COPA: variants seen among roughly 807,000 people sequenced by gnomAD.
COPA encodes the protein coatomer subunit alpha.
Under a neutral mutation model 158.7 loss-of-function variants are expected in COPA, and 10 were observed. That is an observed-to-expected ratio of 0.06 (90% CI 0.04 to 0.11). The LOEUF is 0.11. Ranked by LOEUF, COPA falls within the 10% of genes least tolerant of loss-of-function variation. The pLI is 1.00. For missense variants in COPA, 1,065 were observed against 1,536.7 expected, an observed-to-expected ratio of 0.69 and a Z score of 5.13; for synonymous variants, 462 against 542.8, an observed-to-expected ratio of 0.85 and a Z score of 2.07.
Position 160,295,727 on chromosome 1 carries a change from G to C in COPA, c.2476+9C>G. 6.3e-7 allele frequency: 1 copy of C among 1,595,774 alleles called. No individual in the cohort carries two copies. The highest frequency in any genetic ancestry group is 8.5e-7 in the Non-Finnish European group (1 of 1,173,976). ...CAACAAAAGTGCTATGGGAGAAATA[G>C]GTACTTACCTTTGCTGGCAATGGTG... On this transcript the variant is annotated intron_variant, in intron 23 of 32. Transcript: ENST00000241704.
At chr1:160,292,284 T>C (rs1658266084) in intron 28 of COPA, 86 bp from the exon 29 acceptor site, 2 of 1,559,060 alleles carry the variant, frequency 1.3e-6, no homozygotes, top group African/African-American at 1.4e-5. Flanking sequence ...TCCTCATAGC[T>C]ACCCTCCTGT....
At chr1:160,302,159 A>T (rs967250467) in intron 17 of COPA, among the ~76,000 whole-genome samples, 1 of 152,074 alleles carries the variant, frequency 6.6e-6, no homozygotes, top group Non-Finnish European at 1.5e-5. Context: ...CCTGGAATTG[A>T]TAAGAGTCTA....
intron 9 of COPA, 47 bp downstream of exon 9, chr1:160,313,943 A>G: frequency 6.6e-7 from 1 of 1,513,502 alleles, no homozygotes; most frequent in Non-Finnish European, 8.9e-7. Context: ...TCTAATTTTA[A>G]AAGAGAGAGT....
chr1:160,300,155 C>T (rs1658549374), intron 17 of COPA, among the ~76,000 whole-genome samples: 2 of 151,872 alleles, frequency 1.3e-5, no homozygotes, highest in Admixed American at 6.6e-5. Flanking sequence ...GCCTGGCCAA[C>T]ATGGTGAAAC....
At chr1:160,307,063 C>G in intron 14 of COPA, 100 bp downstream of exon 14, 5 of 1,174,004 alleles carry the variant, frequency 4.3e-6, no homozygotes, top group Non-Finnish European at 1.3e-6. Flanking sequence ...ATCACGGCTG[C>G]CCGGGGGAGA....
chr1:160,299,310 A>G (rs1658519552), intron 17 of COPA, 46 bp from the exon 18 acceptor site: 1 of 1,559,966 alleles, frequency 6.4e-7, no homozygotes, highest in Non-Finnish European at 8.8e-7. Flanking sequence ...GGGAAAATCC[A>G]TCCTGTGAAG....
chr1:160,304,306 G>A (rs931981911), intron 17 of COPA, among the ~76,000 whole-genome samples: 5 of 149,056 alleles, frequency 3.4e-5, no homozygotes, highest in East Asian at 4.2e-4. Context: ...GAGCCACCAC[G>A]CCCAACCCAA....
chr1:160,337,144 T>C (rs1647808543), intron 3 of COPA, among the ~76,000 whole-genome samples: 3 of 152,242 alleles, frequency 2.0e-5, no homozygotes. Context: ...TTCAGTGTTT[T>C]AAACTTTCAT....
rs113237409 is a variant in COPA, at chr1:160,290,260, T to C, written c.3616-44A>G. 1,703 of 1,607,254 alleles carry C rather than the reference T, an allele frequency of 1.1e-3. 19 individuals are homozygous for C. The African/African-American group carries it at 0.018, about 17-fold the overall frequency. On this transcript the variant is annotated intron_variant, in intron 32 of 32. Coordinates refer to ENST00000241704, the MANE Select transcript of COPA (RefSeq NM_004371.4). ...AGGAACAAGTTAGAGATTTGTAAGA[T>C]TGAGAACCCTAGAAAATGTATTCCC...
At chr1:160,340,548 G>A (rs1443055811) in intron 1 of COPA, among the ~76,000 whole-genome samples, 1 of 152,132 alleles carries the variant, frequency 6.6e-6, no homozygotes, top group Non-Finnish European at 1.5e-5. Flanking sequence ...ATCCTTTCAA[G>A]GCTTGCTTTT....
Position 160,292,005 on chromosome 1 carries a change from C to T in COPA, c.3147+7G>A, listed in dbSNP as rs1658253757. ...CCAGAACTGGGACAGCGGCTAGACCCTCCTACCTCTGCAATCTCTTGTTTA... is the reference window on the plus strand; with the variant it reads ...CCAGAACTGGGACAGCGGCTAGACCTTCCTACCTCTGCAATCTCTTGTTTA... On this transcript the variant is annotated splice_region_variant and intron_variant, in intron 29 of 32. Transcript: ENST00000241704. 1.9e-6 allele frequency: 3 copies of T among 1,614,044 alleles called. No individual in the cohort carries two copies. The highest frequency in any genetic ancestry group is 1.3e-5 in the African/African-American group (1 of 74,922).
chr1:160,294,550 A>G lies in COPA; in HGVS notation c.2610T>C (p.Leu870=). Residue 870 remains leucine, a synonymous_variant, in exon 25 of 33, where the codon CTT becomes CTC. Transcript: ENST00000241704. ...EATEGLGDDA[L]GKGQEEGGGW... is the part of the protein sequence containing the mutation. ...CACCTCCTTCTTCCTGTCCCTTGCC[A>G]AGAGCATCATCCCCCAAACCTTCTG... 2.5e-6 allele frequency: 4 copies of G among 1,614,212 alleles called. No homozygotes were observed. Among genetic ancestry groups the G allele is most frequent in the Non-Finnish European group, 2.5e-6 (3 of 1,180,036 alleles).
intron 8 of COPA, among the ~76,000 whole-genome samples, chr1:160,314,744 G>A (rs565735237): frequency 6.7e-4 from 101 of 151,804 alleles, no homozygotes; most frequent in African/African-American, 2.3e-3. Context: ...CTTTTTTTCA[G>A]GGACCTGCCA....
chr1:160,290,972 C>T (rs1658211455), intron 31 of COPA, among the ~76,000 whole-genome samples: 1 of 152,196 alleles, frequency 6.6e-6, no homozygotes, highest in Non-Finnish European at 1.5e-5. Flanking sequence ...TTAAAACAGA[C>T]TTCCATCACC....
rs546719313 is a variant in COPA, at chr1:160,330,089, TG to T, written c.496+2358del. ...GAGATCATGCCACTGCACTCCAGCC[TG>T]GGTAACAGTGAGACTCTGTCCCCAC... On this transcript the variant is annotated intron_variant, in intron 6 of 32. Coordinates refer to ENST00000241704, the MANE Select transcript of COPA (RefSeq NM_004371.4). 2.4e-3 allele frequency among the ~76,000 whole-genome samples: 369 copies of T among 152,122 alleles called. 1 individual carries two copies. Among genetic ancestry groups the T allele is most frequent in the African/African-American group, 8.4e-3 (347 of 41,488 alleles).
At chr1:160,332,863 A>C (rs1311147730) in intron 5 of COPA, among the ~76,000 whole-genome samples, 1 of 152,208 alleles carries the variant, frequency 6.6e-6, no homozygotes, top group Non-Finnish European at 1.5e-5. Context: ...AGTAATCCAT[A>C]CTGTAAATTA....
intron 12 of COPA, among the ~76,000 whole-genome samples, chr1:160,309,503 A>C (rs1362352426): frequency 6.6e-6 from 1 of 152,074 alleles, no homozygotes; most frequent in Non-Finnish European, 1.5e-5. Context: ...CTGAGGACTC[A>C]TCAACTGAGT....
intron 1 of COPA, among the ~76,000 whole-genome samples, chr1:160,340,818 T>C (rs1648006765): frequency 6.6e-6 from 1 of 152,222 alleles, no homozygotes; most frequent in South Asian, 2.1e-4. Context: ...AACAAAGACC[T>C]GAGAAGACAT....
intron 17 of COPA, among the ~76,000 whole-genome samples, chr1:160,300,985 G>C (rs771401969): frequency 6.6e-6 from 1 of 152,014 alleles, no homozygotes; most frequent in South Asian, 2.1e-4. Flanking sequence ...AGGCGTAATG[G>C]CTCATGCCTA....
Sources: gnomAD v4.1 joint callset for allele counts (sites outside exome capture counted in the v4.1 genomes callset) on GRCh38, gnomAD v4.1.1 for gene constraint, MANE v1.5 for transcripts, NCBI Gene and HGNC (gene_info 2026-07-23, HGNC 2026-07-21) for gene names.